Variants in FBXW7 observed in about 807,000 individuals in gnomAD.
The protein encoded by FBXW7 is F-box/WD repeat-containing protein 7.
A neutral mutation model predicts 86.3 loss-of-function variants in FBXW7; 11 were observed. The observed-to-expected ratio is 0.13, with a 90% CI of 0.08 to 0.21. The LOEUF (loss-of-function observed/expected upper bound fraction) is 0.21. FBXW7 is among the 10% of genes least tolerant of loss of function. The pLI, the probability that FBXW7 is intolerant of heterozygous loss-of-function variation, is 1.00. For missense variants in FBXW7, 488 were observed against 847.4 expected (o/e 0.58, Z 5.27); for synonymous variants, 313 against 297.9 (o/e 1.05, Z -0.52).
rs1216731183 is a variant in FBXW7 at position 152,489,156 on chromosome 4, G to A, written c.-120+45785C>T. Among the ~76,000 whole-genome samples, 2 of 152,070 alleles carry A rather than the reference G, an allele frequency of 1.3e-5. 1 individual carries two copies. The highest frequency in any genetic ancestry group is 3.8e-4 in the East Asian group (2 of 5,202). ...GGTAAATTCAGAAATTCTTAATTCTGTAAGGCTCAAGGGTATCATGTATGT... is the reference window on the plus strand; with the variant it reads ...GGTAAATTCAGAAATTCTTAATTCTATAAGGCTCAAGGGTATCATGTATGT... On this transcript the variant is annotated intron_variant, in intron 2 of 13. Coordinates refer to ENST00000281708, the MANE Select transcript of FBXW7 (RefSeq NM_001349798.2).
intron 2 of FBXW7, among the ~76,000 whole-genome samples, chr4:152,456,866 TAG>T (rs1471848307): frequency 6.6e-6 from 1 of 152,176 alleles, no homozygotes; most frequent in African/African-American, 2.4e-5. Context: ...ATTCCACTCA[TAG>T]CAGAAATAAG....
chr4:152,343,291 T>C (rs960947019), intron 6 of FBXW7, among the ~76,000 whole-genome samples: 1 of 152,176 alleles, frequency 6.6e-6, no homozygotes. Context: ...TTGATCCTCA[T>C]AGCAATACTG....
At chr4:152,404,920 T>C (rs961965894) in intron 4 of FBXW7, among the ~76,000 whole-genome samples, 2 of 151,700 alleles carry the variant, frequency 1.3e-5, no homozygotes, top group African/African-American at 4.8e-5. Context: ...TAGTAAGACC[T>C]TGTCTTTACA....
At chr4:152,463,582 CAGAT>C in intron 2 of FBXW7, among the ~76,000 whole-genome samples, 1 of 151,988 alleles carries the variant, frequency 6.6e-6, no homozygotes, top group South Asian at 2.1e-4. Flanking sequence ...AAAAAAAAGA[CAGAT>C]AAGGAGTTAG....
intron 2 of FBXW7, among the ~76,000 whole-genome samples, chr4:152,508,551 T>A (rs1206078818): frequency 6.6e-6 from 1 of 150,948 alleles, no homozygotes. Context: ...TAGCCAGGCA[T>A]GGTGGTGTGC....
chr4:152,352,692 A>C (rs1731947993), intron 4 of FBXW7: 1 of 1,613,828 alleles, frequency 6.2e-7, no homozygotes, highest in South Asian at 1.1e-5. Flanking sequence ...AGTAAAGGCA[A>C]ATGCAGCTCA....
chr4:152,479,050 G>A (rs1329587096), intron 2 of FBXW7, among the ~76,000 whole-genome samples: 2 of 152,088 alleles, frequency 1.3e-5, no homozygotes, highest in African/African-American at 4.8e-5. Flanking sequence ...CGATAAACAA[G>A]GATGTAGTAG....
intron 4 of FBXW7, among the ~76,000 whole-genome samples, chr4:152,378,760 T>C (rs1225968606): frequency 2.0e-5 from 3 of 152,164 alleles, no homozygotes; most frequent in Admixed American, 1.3e-4. Flanking sequence ...CCCAGCACTT[T>C]TGGAGGCTGA....
At chr4:152,488,471 T>C (rs1027528830) in intron 2 of FBXW7, among the ~76,000 whole-genome samples, 2 of 152,118 alleles carry the variant, frequency 1.3e-5, no homozygotes, top group African/African-American at 4.8e-5. Context: ...GATTCGTTCA[T>C]TAATGCTGCT....
rs1728536084 is a variant in FBXW7, at chr4:152,321,270, A to T, written c.*1611T>A. 4.3e-6 allele frequency: 1 copy of T among 231,880 alleles called. No individual in the cohort carries two copies. The highest frequency in any genetic ancestry group is 8.5e-6 in the Non-Finnish European group (1 of 117,032). 14.4% of individuals were successfully genotyped at this position (231,880 alleles called of 1,614,324 possible). ...GAAACAGGCATACTAACATGAAAAA[A>T]CACATTTTATTGCACTTAAGTTATA... On this transcript the variant is annotated 3_prime_UTR_variant, in exon 14 of 14. Coordinates refer to ENST00000281708, the MANE Select transcript of FBXW7 (RefSeq NM_001349798.2).
At chr4:152,386,262 T>C (rs1735521318) in intron 4 of FBXW7, among the ~76,000 whole-genome samples, 1 of 152,102 alleles carries the variant, frequency 6.6e-6, no homozygotes, top group South Asian at 2.1e-4. Context: ...GGTAGGAACA[T>C]GGACTCCAGA....
At chr4:152,367,092 C>G (rs1005465448) in intron 4 of FBXW7, among the ~76,000 whole-genome samples, 1 of 152,058 alleles carries the variant, frequency 6.6e-6, no homozygotes, top group African/African-American at 2.4e-5. Flanking sequence ...CATTTGGACA[C>G]AGGGCTGGGA....
intron 2 of FBXW7, among the ~76,000 whole-genome samples, chr4:152,470,680 G>A (rs1214976934): frequency 6.6e-6 from 1 of 151,962 alleles, no homozygotes; most frequent in Non-Finnish European, 1.5e-5. Flanking sequence ...GCATCAAGTC[G>A]AGTCCAATTT....
At chr4:152,501,577 G>C (rs1746952654) in intron 2 of FBXW7, among the ~76,000 whole-genome samples, 1 of 152,126 alleles carries the variant, frequency 6.6e-6, no homozygotes, top group Admixed American at 6.5e-5. Context: ...CTTAATTTTA[G>C]AAATTGTATA....
intron 4 of FBXW7, among the ~76,000 whole-genome samples, chr4:152,360,450 A>C (rs1732828690): frequency 6.6e-6 from 1 of 152,182 alleles, no homozygotes; most frequent in Non-Finnish European, 1.5e-5. Flanking sequence ...TACTCGGGGC[A>C]ACAGGTGAGT....
At chr4:152,390,685 T>C (rs553621465) in intron 4 of FBXW7, among the ~76,000 whole-genome samples, 15 of 152,020 alleles carry the variant, frequency 9.9e-5, no homozygotes, top group Non-Finnish European at 2.1e-4. Context: ...AACATAACAG[T>C]TTAAACTTTC....
At chr4:152,442,283 C>A (rs891253343) in intron 2 of FBXW7, among the ~76,000 whole-genome samples, 1 of 152,170 alleles carries the variant, frequency 6.6e-6, no homozygotes, top group African/African-American at 2.4e-5. Flanking sequence ...AATTACAGAT[C>A]ACTCTGGAGG....
chr4:152,416,378 C>A (rs962953596), intron 2 of FBXW7, among the ~76,000 whole-genome samples: 1 of 152,140 alleles, frequency 6.6e-6, no homozygotes, highest in Non-Finnish European at 1.5e-5. Context: ...TATCTTAACA[C>A]ACATTTGTAA....
intron 13 of FBXW7, chr4:152,323,417 C>T (rs1728721901): frequency 4.1e-6 from 2 of 482,594 alleles, no homozygotes; most frequent in Admixed American, 3.4e-5. Flanking sequence ...TATTTTCTGG[C>T]TGTGTGAACG....
Sources: allele counts gnomAD v4.1 joint callset (sites outside exome capture counted in the v4.1 genomes callset), GRCh38; gene constraint gnomAD v4.1.1; transcripts MANE v1.5; gene names NCBI Gene and HGNC (gene_info 2026-07-23, HGNC 2026-07-21).